Variants in GUCY2C observed in about 807,000 individuals in gnomAD.
GUCY2C encodes guanylate cyclase 2C.
GUCY2C carries 118 observed loss-of-function variants against 131.1 expected under a neutral mutation model. That is an observed-to-expected ratio of 0.90 (90% CI 0.78 to 1.05). GUCY2C has a LOEUF of 1.05. Ranked by LOEUF, GUCY2C falls within the 50% of genes least tolerant of loss-of-function variation. The probability of loss-of-function intolerance (pLI) is 0.00; values close to 1 mark genes in which losing one functional copy is unlikely to be tolerated. For missense variants in GUCY2C, 1,161 were observed against 1,304.4 expected (o/e 0.89, Z 1.69); for synonymous variants, 452 against 457.8 (o/e 0.99, Z 0.16).
intron 11 of GUCY2C, 24 bp downstream of exon 11, chr12:14,660,957 C>T (rs755516537): frequency 4.0e-6 from 6 of 1,518,446 alleles, no homozygotes; most frequent in African/African-American, 2.7e-5. Flanking sequence ...ATACCGAACA[C>T]AGGCATGATA....
At chr12:14,615,126 TC>T (rs1946733024) in intron 25 of GUCY2C, among the ~76,000 whole-genome samples, 183 bp from the exon 26 acceptor site, 1 of 152,204 alleles carries the variant, frequency 6.6e-6, no homozygotes, top group Non-Finnish European at 1.5e-5. Context: ...GATTTTTATT[TC>T]CAAGTGCCTT....
intron 15 of GUCY2C, among the ~76,000 whole-genome samples, chr12:14,647,567 C>A (rs1291801681): frequency 6.6e-6 from 1 of 152,134 alleles, no homozygotes; most frequent in Non-Finnish European, 1.5e-5. Context: ...CACTGACTGG[C>A]TGGCAAATTC....
Position 14,661,049 on chromosome 12 carries a change from C to G in GUCY2C, c.1296G>C (p.Leu432=). 2 of 1,611,928 alleles carry G rather than the reference C, an allele frequency of 1.2e-6. No individual in the cohort carries two copies. Among genetic ancestry groups the G allele is most frequent in the Non-Finnish European group, 1.7e-6 (2 of 1,178,036 alleles). ...NDITGRGPQI[L]MIAVFTLTGA... Reference sequence around the variant, plus strand: ...CAGTGAGGGTGAAGACTGCAATCATCAGGATCTGAGGGCCTGTGGCGGAAA... The same window carrying G: ...CAGTGAGGGTGAAGACTGCAATCATGAGGATCTGAGGGCCTGTGGCGGAAA... Residue 432 remains leucine (L), a synonymous_variant, in exon 11 of 27, where the codon CTG becomes CTC. Transcript: ENST00000261170.
At chr12:14,644,761 T>TTTA (rs1947483722) in intron 16 of GUCY2C, among the ~76,000 whole-genome samples, 2 of 142,984 alleles carry the variant, frequency 1.4e-5, no homozygotes, top group African/African-American at 5.1e-5. Flanking sequence ...TTTTTTTTTT[T>TTTA]AATGGAGTCT....
intron 16 of GUCY2C, among the ~76,000 whole-genome samples, chr12:14,644,904 G>A (rs1409066203): frequency 6.6e-6 from 1 of 151,810 alleles, no homozygotes; most frequent in Non-Finnish European, 1.5e-5. Context: ...ACTGCGCCCA[G>A]CCCAGTTGTC....
intron 3 of GUCY2C, among the ~76,000 whole-genome samples, chr12:14,685,346 G>C (rs138200968): frequency 5.3e-5 from 8 of 152,254 alleles, no homozygotes; most frequent in African/African-American, 1.7e-4. Context: ...GTAATGGTGG[G>C]TGTGAGGTGA....
intron 10 of GUCY2C, among the ~76,000 whole-genome samples, chr12:14,663,275 T>C (rs1164223423): frequency 6.6e-6 from 1 of 152,174 alleles, no homozygotes; most frequent in Non-Finnish European, 1.5e-5. Flanking sequence ...AAATCATGTG[T>C]GTGAATTTTT....
intron 19 of GUCY2C, 61 bp downstream of exon 19, chr12:14,639,801 C>A: frequency 9.4e-7 from 1 of 1,061,662 alleles, no homozygotes. Context: ...TGTTTTAATC[C>A]ATTACATTTA....
At chr12:14,692,463 T>A (rs563825426) in intron 1 of GUCY2C, among the ~76,000 whole-genome samples, 3 of 152,196 alleles carry the variant, frequency 2.0e-5, no homozygotes, top group Non-Finnish European at 2.9e-5. Flanking sequence ...GTTTAAAATG[T>A]TTCTCAGTTT....
chr12:14,646,101 GC>G (rs1947517996), intron 15 of GUCY2C, among the ~76,000 whole-genome samples: 2 of 152,164 alleles, frequency 1.3e-5, no homozygotes, highest in African/African-American at 2.4e-5. Flanking sequence ...CTCCCAAAGT[GC>G]TGGGATTACA....
At chr12:14,685,199 C>A (rs562703470) in intron 3 of GUCY2C, among the ~76,000 whole-genome samples, 115 of 152,174 alleles carry the variant, frequency 7.6e-4, no homozygotes, top group African/African-American at 2.5e-3. Context: ...TACTCTGTAG[C>A]AATATTAGTA....
At chr12:14,619,506 A>G (rs1946848644) in intron 23 of GUCY2C, 197 bp from the exon 24 acceptor site, 3 of 503,746 alleles carry the variant, frequency 6.0e-6, no homozygotes, top group Middle Eastern at 5.0e-4. Flanking sequence ...AATGCATGCG[A>G]TCATAAAGTA....
At chr12:14,635,454 C>T (rs576059548) in intron 19 of GUCY2C, among the ~76,000 whole-genome samples, 34 of 152,004 alleles carry the variant, frequency 2.2e-4, no homozygotes, top group African/African-American at 7.5e-4. Context: ...TGGGATACAG[C>T]GAAAGTACTG....
chr12:14,646,928 C>T (rs909785757), intron 15 of GUCY2C, among the ~76,000 whole-genome samples: 6 of 151,986 alleles, frequency 3.9e-5, no homozygotes, highest in South Asian at 2.1e-4. Flanking sequence ...GTGATAAGTA[C>T]GAAGAAAAAT....
rs1444258632 is a variant in GUCY2C, at chr12:14,619,265, A to G, written c.2821T>C (p.Cys941Arg). The change falls in exon 24 of 27, where the codon TGT becomes CGT. Residue 941 changes from cysteine to arginine, a missense_variant. By Grantham distance (180) the Cys-to-Arg change is radical. Transcript: ENST00000261170. ...GVVGIKMPRY[C>R]LFGDTVNTAS... ...GTGTTGACCGTATCTCCAAATAGAC[A>G]ATAACGAGGCATCTTGATTCCCACA... 2 of 1,613,154 alleles carry G rather than the reference A, an allele frequency of 1.2e-6. No individual in the cohort carries two copies. The highest frequency in any genetic ancestry group is 1.7e-6 in the Non-Finnish European group (2 of 1,179,156).
intron 16 of GUCY2C, among the ~76,000 whole-genome samples, 199 bp from the exon 17 acceptor site, chr12:14,643,905 G>A (rs1323424818): frequency 2.0e-5 from 3 of 152,082 alleles, no homozygotes; most frequent in Non-Finnish European, 2.9e-5. Context: ...TAGTTTCAAA[G>A]TCTGTTTAAA....
chr12:14,691,738 A>G (rs1948577703), intron 1 of GUCY2C, among the ~76,000 whole-genome samples: 1 of 152,216 alleles, frequency 6.6e-6, no homozygotes, highest in African/African-American at 2.4e-5. Context: ...AAACCCTGGC[A>G]CAGTGCCTGG....
chr12:14,672,308 T>C (rs1948131004), intron 9 of GUCY2C: 1 of 152,112 alleles, frequency 6.6e-6, no homozygotes. Context: ...ACTGAAAAGA[T>C]GGAGAGGTGA....
chr12:14,672,550 A>G (rs994093919), intron 9 of GUCY2C, among the ~76,000 whole-genome samples: 1 of 152,194 alleles, frequency 6.6e-6, no homozygotes, highest in Non-Finnish European at 1.5e-5. Flanking sequence ...TCTCATTGGT[A>G]TCCCATCAAT....
Sources: allele counts gnomAD v4.1 joint callset (sites outside exome capture counted in the v4.1 genomes callset), GRCh38; gene constraint gnomAD v4.1.1; transcripts MANE v1.5; gene names NCBI Gene and HGNC (gene_info 2026-07-23, HGNC 2026-07-21).